CLEC2L: variants seen among roughly 807,000 people sequenced by gnomAD.
CLEC2L encodes C-type lectin domain family 2 member L.
Under a neutral mutation model 23.6 loss-of-function variants are expected in CLEC2L, and 14 were observed. That is an observed-to-expected ratio of 0.59 (90% CI 0.39 to 0.93). The LOEUF is 0.93. Among genes scored for constraint, CLEC2L ranks in the 40% least tolerant of loss-of-function variants. The pLI is 0.00. For missense variants in CLEC2L, 264 were observed against 282.4 expected, an observed-to-expected ratio of 0.93 and a Z score of 0.47; for synonymous variants, 114 against 121.3, an observed-to-expected ratio of 0.94 and a Z score of 0.40.
intron 4 of CLEC2L, among the ~76,000 whole-genome samples, chr7:139,542,573 C>G (rs9691166): frequency 6.6e-6 from 1 of 152,206 alleles, no homozygotes; most frequent in African/African-American, 2.4e-5. Flanking sequence ...GCCTCTGTCC[C>G]GGGCAGCCTC....
chr7:139,535,703 G>A (rs1192009371), intron 1 of CLEC2L, among the ~76,000 whole-genome samples: 3 of 152,170 alleles, frequency 2.0e-5, no homozygotes, highest in Non-Finnish European at 4.4e-5. Context: ...TGTAGAGGTG[G>A]GTGAATTTTA....
rs116778141 is a variant in CLEC2L, at chr7:139,528,596, C to T, written c.190+4479C>T. On this transcript the variant is annotated intron_variant, in intron 1 of 4. Coordinates refer to ENST00000422142, the MANE Select transcript of CLEC2L (RefSeq NM_001080511.4). ...CAGCATGATTTGGGAAAAACCTGCC[C>T]CCATGATTCAATTACCTCCCACCCA... Among the ~76,000 whole-genome samples the T allele has an allele frequency of 6.5e-3, 983 of 152,232 alleles. 12 individuals carry two copies. The highest frequency in any genetic ancestry group is 0.021 in the African/African-American group (891 of 41,514).
Position 139,536,328 on chromosome 7 carries a change from T to G in CLEC2L, c.245T>G (p.Leu82Trp). Residue 82 changes from leucine to tryptophan, a missense_variant, in exon 2 of 5, where the codon TTG (leucine) becomes TGG (tryptophan). Physicochemically the swap from Leu to Trp is moderately conservative, Grantham distance 61 (BLOSUM62 -2). Transcript: ENST00000422142. Reference sequence around the variant, plus strand: ...ATCGCGGTCCTTCTGTTCGCCATCTTGGTGGTGATGAGCATCTTGGGTGAG... The same window carrying G: ...ATCGCGGTCCTTCTGTTCGCCATCTGGGTGGTGATGAGCATCTTGGGTGAG... ...GAIAVLLFAI[L>W]VVMSILASKG... The G allele has an allele frequency of 6.4e-7, 1 of 1,551,414 alleles. No homozygotes were observed.
At chr7:139,543,658 CAGTT>C (rs1356135615) in intron 4 of CLEC2L, among the ~76,000 whole-genome samples, 1 of 152,238 alleles carries the variant, frequency 6.6e-6, no homozygotes, top group Admixed American at 6.5e-5. Flanking sequence ...AACCCAGCCT[CAGTT>C]AGCCCATATT....
intron 1 of CLEC2L, among the ~76,000 whole-genome samples, chr7:139,528,158 C>T (rs1180350747): frequency 6.6e-6 from 1 of 151,880 alleles, no homozygotes; most frequent in African/African-American, 2.4e-5. Context: ...GTGTCCCTAC[C>T]AAAAAAGAGA....
chr7:139,535,569 T>C (rs2116316809), intron 1 of CLEC2L, among the ~76,000 whole-genome samples: 2 of 152,332 alleles, frequency 1.3e-5, no homozygotes, highest in Non-Finnish European at 2.9e-5. Context: ...AAATACCCTA[T>C]GTTTAACGTC....
chr7:139,531,453 G>A (rs1417447379), intron 1 of CLEC2L, among the ~76,000 whole-genome samples: 3 of 152,146 alleles, frequency 2.0e-5, no homozygotes, highest in Non-Finnish European at 4.4e-5. Flanking sequence ...TTGAGAAAAT[G>A]TTCCACGAAA....
chr7:139,544,558 A>T lies in CLEC2L; in HGVS notation c.*216A>T. ...GCAGGTCGTGTGGCTCAGCAGTTAAATCCCATATGCTAGGTAGTGTAGGCA... is the reference window on the plus strand; with the variant it reads ...GCAGGTCGTGTGGCTCAGCAGTTAATTCCCATATGCTAGGTAGTGTAGGCA... On this transcript the variant is annotated 3_prime_UTR_variant, in exon 5 of 5. Coordinates refer to ENST00000422142, the MANE Select transcript of CLEC2L (RefSeq NM_001080511.4). 1 of 583,214 alleles carries T rather than the reference A, an allele frequency of 1.7e-6. No homozygotes were observed. Among genetic ancestry groups the T allele is most frequent in the Non-Finnish European group, 3.1e-6 (1 of 326,496 alleles). The allele number at this position is 583,214 out of a possible 1,614,324, so 36.1% of individuals were successfully genotyped here. A position where few individuals can be genotyped will look rare whatever the true frequency, so the allele number is the denominator to read the frequency against.
chr7:139,539,865 T>G lies in CLEC2L; in HGVS notation c.266-456T>G. ...TCCATGCACACTGACAGCAAGGGGG[T>G]TAAAAAAATAAAAATGAAAAGAACT... On this transcript the variant is annotated intron_variant, in intron 2 of 4. Coordinates refer to ENST00000422142, the MANE Select transcript of CLEC2L (RefSeq NM_001080511.4). This position sits in a 1 kb window ranked among gnomAD's most constrained non-coding sequence, Gnocchi z 4.1. The G allele has an allele frequency of 1.7e-5, 3 of 171,474 alleles. No homozygotes were observed. The highest frequency in any genetic ancestry group is 3.7e-5 in the Non-Finnish European group (3 of 80,260). The allele number at this position is 171,474 out of a possible 1,614,324, so 10.6% of individuals were successfully genotyped here. A position where few individuals can be genotyped will look rare whatever the true frequency, so the allele number is the denominator to read the frequency against.
At chr7:139,544,203 A>G (rs1417753516) in intron 4 of CLEC2L, 28 bp from the exon 5 acceptor site, 1 of 1,563,668 alleles carries the variant, frequency 6.4e-7, no homozygotes. Context: ...CCAGATCATA[A>G]ACGCCTGGTC....
At chr7:139,536,452 T>TG in intron 2 of CLEC2L, 104 bp downstream of exon 2, 1 of 981,306 alleles carries the variant, frequency 1.0e-6, no homozygotes, top group East Asian at 2.6e-5. Context: ...AAGAATCCTG[T>TG]GGGGGACTAA....
chr7:139,540,770 TA>T lies in CLEC2L; in HGVS notation c.432+286del, dbSNP rs1797722793. The stretch of plus-strand genomic sequence containing the variant: ...TATAAACCAGAAGAATTACACATTA[TA>T]AAGCTGGTGATGTGGTATCCACCTC... On this transcript the variant is annotated intron_variant, in intron 3 of 4. Transcript: ENST00000422142. The surrounding 1 kb of genome is among the most constrained non-coding windows in gnomAD (Gnocchi z 5.8). Among the ~76,000 whole-genome samples the T allele has an allele frequency of 6.6e-6, 1 of 152,136 alleles. No individual in the cohort carries two copies. Among genetic ancestry groups the T allele is most frequent in the Non-Finnish European group, 1.5e-5 (1 of 68,026 alleles).
chr7:139,532,464 C>A (rs996501493), intron 1 of CLEC2L, among the ~76,000 whole-genome samples: 3 of 152,112 alleles, frequency 2.0e-5, no homozygotes, highest in Non-Finnish European at 4.4e-5. Flanking sequence ...TGTGGGGAGA[C>A]CCTGGATGGC....
intron 1 of CLEC2L, among the ~76,000 whole-genome samples, chr7:139,532,637 G>A (rs575189210): frequency 2.0e-5 from 3 of 152,224 alleles, no homozygotes; most frequent in South Asian, 2.1e-4. Flanking sequence ...GTAATTGAGC[G>A]GTAATTAGAT....
chr7:139,543,965 G>A (rs1207532985), intron 4 of CLEC2L, among the ~76,000 whole-genome samples: 2 of 152,188 alleles, frequency 1.3e-5, no homozygotes, highest in Non-Finnish European at 2.9e-5. Context: ...AGCCGACCCT[G>A]CAAGGACATT....
rs1343427779 is a variant in CLEC2L at position 139,540,351 on chromosome 7, C to T, written c.296C>T (p.Pro99Leu). ...AAGGGCTGCATCAAGTGCGAAGCGC[C>T]CTGCCCGGAGGACTGGCTGCTCTAC... ...ASKGCIKCEA[P>L]CPEDWLLYGR... Residue 99 changes from proline (P) to leucine (L), a missense_variant, in exon 3 of 5, where the codon CCC becomes CTC. Coordinates refer to ENST00000422142, the MANE Select transcript of CLEC2L (RefSeq NM_001080511.4). The surrounding 1 kb of genome is among the most constrained non-coding windows in gnomAD (Gnocchi z 5.8). The T allele has an allele frequency of 5.6e-6, 9 of 1,611,502 alleles. No individual in the cohort carries two copies. Among genetic ancestry groups the T allele is most frequent in the Non-Finnish European group, 7.6e-6 (9 of 1,179,216 alleles).
Position 139,542,004 on chromosome 7 carries a change from C to CA in CLEC2L, c.433-17_433-16insA. 5.0e-6 allele frequency: 8 copies of CA among 1,590,646 alleles called. No homozygotes were observed. The highest frequency in any genetic ancestry group is 6.9e-6 in the Non-Finnish European group (8 of 1,164,252). On this transcript the variant is annotated splice_polypyrimidine_tract_variant and intron_variant, in intron 3 of 4. Coordinates refer to ENST00000422142, the MANE Select transcript of CLEC2L (RefSeq NM_001080511.4). ...GACCGCATCTGACCCTGAGGTGTCC[C>CA]TTTTTCCTCGGTGCAGGAATTTATG...
intron 1 of CLEC2L, among the ~76,000 whole-genome samples, chr7:139,531,207 A>C (rs1797578345): frequency 6.6e-6 from 1 of 152,208 alleles, no homozygotes; most frequent in Admixed American, 6.5e-5. Context: ...AGACCAAAAC[A>C]GAGGTTATAC....
intron 4 of CLEC2L, 71 bp downstream of exon 4, chr7:139,542,192 A>G (rs1797745945): frequency 7.9e-6 from 8 of 1,013,718 alleles, no homozygotes; most frequent in Admixed American, 2.5e-5. Flanking sequence ...CCTGGACACA[A>G]CTCCCGAAGA....
Sources: gnomAD v4.1 joint callset for allele counts (sites outside exome capture counted in the v4.1 genomes callset) on GRCh38, gnomAD v4.1.1 for gene constraint, Gnocchi (gnomAD v3.1) non-coding constraint, MANE v1.5 for transcripts, NCBI Gene and HGNC (gene_info 2026-07-23, HGNC 2026-07-21) for gene names.